SHPK: variants seen among roughly 807,000 people sequenced by gnomAD.
SHPK encodes sedoheptulokinase.
In SHPK, 51 loss-of-function variants were observed where a neutral mutation model predicts 46.3. The observed-to-expected ratio is 1.10, with a 90% CI of 0.88 to 1.39. SHPK has a LOEUF of 1.39. Among genes scored for constraint, SHPK ranks in the 40% most tolerant of loss-of-function variants. SHPK has a pLI of 0.00. For missense variants in SHPK, 668 were observed against 641.3 expected (o/e 1.04, Z -0.45); for synonymous variants, 290 against 273.9 (o/e 1.06, Z -0.58).
intron 1 of SHPK, among the ~76,000 whole-genome samples, chr17:3,633,416 A>T (rs1293606494): frequency 6.6e-6 from 1 of 151,258 alleles, no homozygotes; most frequent in African/African-American, 2.4e-5. Context: ...AGTGGGCCAG[A>T]GATGTTGCTA....
At chr17:3,620,636 A>G (rs1326831228) in intron 5 of SHPK, among the ~76,000 whole-genome samples, 1 of 151,130 alleles carries the variant, frequency 6.6e-6, no homozygotes, top group Non-Finnish European at 1.5e-5. Context: ...ATCTCAGCTC[A>G]CTGAAACCTC....
intron 1 of SHPK, 45 bp from the exon 2 acceptor site, chr17:3,630,391 A>G (rs756435051): frequency 1.9e-6 from 3 of 1,561,292 alleles, no homozygotes; most frequent in Non-Finnish European, 2.6e-6. Context: ...ACACACAGGC[A>G]GGGGGAGGGG....
rs542386758 is a variant in SHPK, at chr17:3,630,907, G to A, written c.169-561C>T. ...AATCCACAGAAAGTTCAGAAGAGAA[G>A]AAGGGGAAGAGAATTGTGGCTCAGC... On this transcript the variant is annotated intron_variant, in intron 1 of 6. Transcript: ENST00000225519. Among the ~76,000 whole-genome samples the A allele has an allele frequency of 9.6e-4, 146 of 152,260 alleles. 1 individual carries two copies. Among genetic ancestry groups the A allele is most frequent in the African/African-American group, 3.4e-3 (142 of 41,548 alleles).
chr17:3,635,551 G>A (rs2075514695), intron 1 of SHPK, among the ~76,000 whole-genome samples: 1 of 152,188 alleles, frequency 6.6e-6, no homozygotes, highest in South Asian at 2.1e-4. Flanking sequence ...AGGTTTCTTG[G>A]TCCGCATTCT....
At chr17:3,612,064 A>G (rs1597566019) in intron 6 of SHPK, among the ~76,000 whole-genome samples, 1 of 151,974 alleles carries the variant, frequency 6.6e-6, no homozygotes, top group Non-Finnish European at 1.5e-5. Context: ...TCAGCCTTCC[A>G]AAGTACTGGG....
At chr17:3,631,494 A>G (rs762388984) in intron 1 of SHPK, among the ~76,000 whole-genome samples, 19 of 133,926 alleles carry the variant, frequency 1.4e-4, no homozygotes, top group Non-Finnish European at 2.7e-4. Flanking sequence ...CAAAAAATAT[A>G]CACTATCTAA....
chr17:3,623,898 C>T (rs2075417355), intron 3 of SHPK, 150 bp downstream of exon 3: 1 of 740,390 alleles, frequency 1.4e-6, no homozygotes, highest in Non-Finnish European at 2.2e-6. Flanking sequence ...GTTCTGGACC[C>T]AATCGAGGTC....
At chr17:3,616,973 G>A (rs1421848015) in intron 5 of SHPK, among the ~76,000 whole-genome samples, 1 of 150,722 alleles carries the variant, frequency 6.6e-6, no homozygotes, top group Non-Finnish European at 1.5e-5. Flanking sequence ...TCCTGACCTC[G>A]TGATCCACCT....
chr17:3,633,807 C>A (rs983839551), intron 1 of SHPK, among the ~76,000 whole-genome samples: 17 of 151,750 alleles, frequency 1.1e-4, no homozygotes, highest in Non-Finnish European at 2.1e-4. Flanking sequence ...ATGACAATGG[C>A]GGTTTTGTGG....
rs2075461916 is a variant in SHPK at position 3,630,219 on chromosome 17, C to T, written c.296G>A (p.Trp99Ter). The change falls in exon 2 of 7, where the codon TGG becomes TAG. Residue 99 changes from tryptophan (W) to a stop codon, truncating the protein, a stop_gained. Coordinates refer to ENST00000225519, the MANE Select transcript of SHPK (RefSeq NM_013276.4). LOFTEE classifies it high-confidence loss of function. ...GCCCAGCATACCTTGGCCTGTTTTCCAAAACACGACTCCATGCATCTGGCC... is the reference window on the plus strand; with the variant it reads ...GCCCAGCATACCTTGGCCTGTTTTCTAAAACACGACTCCATGCATCTGGCC... Reference protein sequence around the residue: ...VSGQMHGVVFWKTGQGCEWTE... With the variant: ...VSGQMHGVVF The T allele has an allele frequency of 1.9e-6, 3 of 1,613,610 alleles. No homozygotes were observed. The highest frequency in any genetic ancestry group is 1.3e-5 in the African/African-American group (1 of 74,884).
chr17:3,620,010 T>C, intron 5 of SHPK: 1 of 200,544 alleles, frequency 5.0e-6, no homozygotes, highest in South Asian at 8.0e-5. Flanking sequence ...GGCATTCCCA[T>C]TTCAGTGTCT....
chr17:3,632,475 G>A (rs2075478704), intron 1 of SHPK, among the ~76,000 whole-genome samples: 1 of 152,166 alleles, frequency 6.6e-6, no homozygotes, highest in South Asian at 2.1e-4. Context: ...GTTTCAAATG[G>A]TCCCAGGGTG....
chr17:3,630,955 G>C (rs949052811), intron 1 of SHPK, among the ~76,000 whole-genome samples: 14 of 152,158 alleles, frequency 9.2e-5, no homozygotes, highest in Admixed American at 2.0e-4. Flanking sequence ...TCAGCTCTTT[G>C]AGGAACTAGC....
In SHPK at chr17:3,632,705, G is replaced by A. The variant is rs532757394; in HGVS notation, c.169-2359C>T. ...GTCTACATCCACGTCGAATCCTCGC[G>A]CTTTAGACTTGCACACAGTACTTAG... On this transcript the variant is annotated intron_variant, in intron 1 of 6. Coordinates refer to ENST00000225519, the MANE Select transcript of SHPK (RefSeq NM_013276.4). Among the ~76,000 whole-genome samples the A allele has an allele frequency of 5.9e-5, 9 of 152,156 alleles. No individual in the cohort carries two copies. In the East Asian group the frequency reaches 1.5e-3, roughly 26 times the overall value.
chr17:3,609,285 A>T lies in SHPK; in HGVS notation c.*1275T>A, dbSNP rs1286700886. ...TCACATAATTTGTAAAATGACATTTATAAAGAGACAATATGTTTCATACCT... is the reference window on the plus strand; with the variant it reads ...TCACATAATTTGTAAAATGACATTTTTAAAGAGACAATATGTTTCATACCT... On this transcript the variant is annotated 3_prime_UTR_variant, in exon 7 of 7. Coordinates refer to ENST00000225519, the MANE Select transcript of SHPK (RefSeq NM_013276.4). 6.6e-6 allele frequency: 1 copy of T among 151,690 alleles called. No homozygotes were observed. Among genetic ancestry groups the T allele is most frequent in the Non-Finnish European group, 1.5e-5 (1 of 67,992 alleles). The allele number at this position is 151,690 out of a possible 1,614,324, so 9.4% of individuals were successfully genotyped here.
chr17:3,619,808 C>G, intron 5 of SHPK: 1 of 459,914 alleles, frequency 2.2e-6, no homozygotes, highest in Non-Finnish European at 4.3e-6. Context: ...GACCATCCTG[C>G]TGCTTTAAGA....
At chr17:3,623,192 G>C in intron 4 of SHPK, 147 bp downstream of exon 4, 1 of 851,466 alleles carries the variant, frequency 1.2e-6, no homozygotes, top group Non-Finnish European at 1.9e-6. Context: ...CCCGTGTCTG[G>C]GACAGGCCAG....
rs1304503026 is a variant in SHPK, at chr17:3,608,944, T to G, written c.*1616A>C. Reference sequence around the variant, plus strand: ...TCTTGCTCTGTCACCCAGGCTGGAGTGCAATGGCGCGATCTCAGCTCACTG... The same window carrying G: ...TCTTGCTCTGTCACCCAGGCTGGAGGGCAATGGCGCGATCTCAGCTCACTG... On this transcript the variant is annotated 3_prime_UTR_variant, in exon 7 of 7. Coordinates refer to ENST00000225519, the MANE Select transcript of SHPK (RefSeq NM_013276.4). 1 of 152,232 alleles carries G rather than the reference T, an allele frequency of 6.6e-6. No individual in the cohort carries two copies. The highest frequency in any genetic ancestry group is 6.5e-5 in the Admixed American group (1 of 15,272). 9.4% of individuals were successfully genotyped at this position (152,232 alleles called of 1,614,324 possible). A position where few individuals can be genotyped will look rare whatever the true frequency, so the allele number is the denominator to read the frequency against.
intron 5 of SHPK, 38 bp from the exon 6 acceptor site, chr17:3,615,575 C>T: frequency 6.3e-7 from 1 of 1,590,010 alleles, no homozygotes; most frequent in Non-Finnish European, 8.6e-7. Context: ...GCCTGTCGGG[C>T]TAACTCAGAG....
Sources: allele counts gnomAD v4.1 joint callset (sites outside exome capture counted in the v4.1 genomes callset), GRCh38; gene constraint gnomAD v4.1.1; transcripts MANE v1.5; gene names NCBI Gene and HGNC (gene_info 2026-07-23, HGNC 2026-07-21).